The following PCDHA8 variants were observed in gnomAD, a reference collection of about 807,000 sequenced individuals.
The protein encoded by PCDHA8 is protocadherin alpha 8.
A neutral mutation model predicts 61.8 loss-of-function variants in PCDHA8; 53 were observed. The ratio of observed to expected loss-of-function variants is 0.86; its 90% confidence interval spans 0.69 to 1.08. The LOEUF is 1.08. Among genes scored for constraint, PCDHA8 ranks in the 50% least tolerant of loss-of-function variants. PCDHA8 has a pLI of 0.00. For missense variants in PCDHA8, 1,293 were observed against 1,245.0 expected (o/e 1.04, Z -0.58); for synonymous variants, 618 against 556.6 (o/e 1.11, Z -1.55).
At chr5:140,971,844 C>T (rs1209652703) in intron 1 of PCDHA8, among the ~76,000 whole-genome samples, 2 of 151,920 alleles carry the variant, frequency 1.3e-5, no homozygotes, top group African/African-American at 2.4e-5. Flanking sequence ...GCAAGTCATG[C>T]GTTAAATATT....
rs1245274554 is a variant in PCDHA8, at chr5:140,842,584, T to C, written c.1263T>C (p.Tyr421=). ...SALDRERVSA[Y]ELVVTARDGG... ...TGGACCGCGAGAGAGTGTCGGCCTA[T>C]GAGTTGGTGGTAACCGCGCGGGACG... Residue 421 remains tyrosine, a synonymous_variant, in exon 1 of 4, where the codon TAT becomes TAC. Transcript: ENST00000531613. 2 of 1,519,626 alleles carry C rather than the reference T, an allele frequency of 1.3e-6. No individual in the cohort carries two copies. 94.1% of individuals were successfully genotyped at this position (1,519,626 alleles called of 1,614,324 possible).
chr5:140,999,265 A>G (rs1554256725), intron 3 of PCDHA8, among the ~76,000 whole-genome samples: 1 of 152,226 alleles, frequency 6.6e-6, no homozygotes, highest in African/African-American at 2.4e-5. Flanking sequence ...GTAAAGGAAT[A>G]CTGCATAGTA....
At chr5:140,942,876 T>C (rs2093384814) in intron 1 of PCDHA8, among the ~76,000 whole-genome samples, 1 of 152,052 alleles carries the variant, frequency 6.6e-6, no homozygotes, top group Non-Finnish European at 1.5e-5. Context: ...GCATGACAAC[T>C]TTTTTCCTAA....
intron 1 of PCDHA8, among the ~76,000 whole-genome samples, chr5:140,885,454 C>T (rs2060601415): frequency 6.6e-6 from 1 of 152,054 alleles, no homozygotes; most frequent in Admixed American, 6.5e-5. Flanking sequence ...TATTATTTAC[C>T]TAATGATGGG....
rs2096251750 is a variant in PCDHA8 at position 140,968,509 on chromosome 5, C to T, written c.2395-10440C>T. 3 of 1,614,162 alleles carry T rather than the reference C, an allele frequency of 1.9e-6. No individual in the cohort carries two copies. In the South Asian group the frequency reaches 3.3e-5, roughly 18 times the overall value. On this transcript the variant is annotated intron_variant, in intron 1 of 3. Coordinates refer to ENST00000531613, the MANE Select transcript of PCDHA8 (RefSeq NM_018911.3). Reference sequence around the variant, plus strand: ...ATGACCATGCCCCTCACATTCTGTACCCTACCTCAACCAACTCGTCAGCAG... The same window carrying T: ...ATGACCATGCCCCTCACATTCTGTATCCTACCTCAACCAACTCGTCAGCAG...
At chr5:140,869,746 A>G in intron 1 of PCDHA8, 1 of 1,613,340 alleles carries the variant, frequency 6.2e-7, no homozygotes, top group Non-Finnish European at 8.5e-7. Flanking sequence ...GCTAACAGCT[A>G]CAGACGGGGG....
rs782631166 is a variant in PCDHA8, at chr5:140,857,398, C to T, written c.2394+13683C>T. 1.3e-5 allele frequency: 21 copies of T among 1,598,542 alleles called. 2 individuals are homozygous for T. Among genetic ancestry groups the T allele is most frequent in the African/African-American group, 2.7e-5 (2 of 74,494 alleles). ...TGGAGGTGGCCGACGTGAACGACAA[C>T]GCGCCTGCGTTCGCGCAGTCCGAGT... On this transcript the variant is annotated intron_variant, in intron 1 of 3. Coordinates refer to ENST00000531613, the MANE Select transcript of PCDHA8 (RefSeq NM_018911.3).
In PCDHA8 at chr5:140,856,320, G is replaced by T. The variant is rs2043925109; in HGVS notation, c.2394+12605G>T. 1.8e-5 allele frequency: 28 copies of T among 1,598,544 alleles called. 3 individuals carry two copies. Among genetic ancestry groups the T allele is most frequent in the Non-Finnish European group, 2.4e-5 (28 of 1,168,074 alleles). ...TTGTTTGTGAATTCTCGGATTGACC[G>T]CGAGGAGCTGTGCGGGCGGAGCGTG... On this transcript the variant is annotated intron_variant, in intron 1 of 3. Coordinates refer to ENST00000531613, the MANE Select transcript of PCDHA8 (RefSeq NM_018911.3).
At chr5:140,878,461 T>G (rs1274651575) in intron 1 of PCDHA8, among the ~76,000 whole-genome samples, 1 of 152,230 alleles carries the variant, frequency 6.6e-6, no homozygotes, top group Non-Finnish European at 1.5e-5. Context: ...TGAAATATAA[T>G]AAAATCATTT....
chr5:140,892,658 A>G (rs1202553509), intron 1 of PCDHA8, among the ~76,000 whole-genome samples: 4 of 152,202 alleles, frequency 2.6e-5, no homozygotes, highest in African/African-American at 9.7e-5. Context: ...ATACAGAGTG[A>G]CATTTTGATA....
chr5:140,927,666 G>C, intron 1 of PCDHA8: 1 of 1,614,180 alleles, frequency 6.2e-7, no homozygotes, highest in Non-Finnish European at 8.5e-7. Context: ...TTCAAGCCTT[G>C]GATCCAGATG....
chr5:140,987,453 A>C (rs2097255093), intron 3 of PCDHA8, among the ~76,000 whole-genome samples: 1 of 152,106 alleles, frequency 6.6e-6, no homozygotes, highest in South Asian at 2.1e-4. Context: ...CCGAGAGATA[A>C]TTGTTAAGAG....
At chr5:140,904,725 C>A (rs1554191671) in intron 1 of PCDHA8, among the ~76,000 whole-genome samples, 1 of 152,050 alleles carries the variant, frequency 6.6e-6, no homozygotes, top group Non-Finnish European at 1.5e-5. Context: ...TGGCCAACAT[C>A]TATTATTTTT....
intron 1 of PCDHA8, chr5:140,855,912 G>C: frequency 1.7e-6 from 2 of 1,172,642 alleles, no homozygotes; most frequent in Non-Finnish European, 2.4e-6. Flanking sequence ...GTTTCTCAAG[G>C]ACTAGGAAGT....
In PCDHA8 at chr5:140,843,229, C is replaced by T. The variant is rs2150355539; in HGVS notation, c.1908C>T (p.Val636=). ...CGGGCGAGATCAGCACCACTCGTGT[C>T]CTGGACGAAGCGGACTCTCCGCGCC... is the stretch of plus-strand genomic sequence containing the variant. The part of the protein sequence containing the change: ...LYTGEISTTR[V]LDEADSPRHR... The change falls in exon 1 of 4, where the codon GTC becomes GTT. Residue 636 remains valine, a synonymous_variant. Transcript: ENST00000531613. The T allele has an allele frequency of 3.8e-6, 6 of 1,596,144 alleles. 1 individual carries two copies. Among genetic ancestry groups the T allele is most frequent in the East Asian group, 4.5e-5 (2 of 44,818 alleles).
intron 3 of PCDHA8, among the ~76,000 whole-genome samples, chr5:141,005,531 G>A (rs1441846175): frequency 1.3e-5 from 2 of 151,072 alleles, no homozygotes; most frequent in African/African-American, 4.9e-5. Context: ...GTGAAACCCC[G>A]TCTCTACTAA....
At chr5:140,958,746 G>C (rs946339571) in intron 1 of PCDHA8, among the ~76,000 whole-genome samples, 1 of 152,066 alleles carries the variant, frequency 6.6e-6, no homozygotes, top group African/African-American at 2.4e-5. Flanking sequence ...AGAGAGAAAG[G>C]AGATTTTTAC....
At chr5:141,009,459 A>T in intron 3 of PCDHA8, 168 bp from the exon 4 acceptor site, 3 of 950,878 alleles carry the variant, frequency 3.2e-6, no homozygotes, top group Non-Finnish European at 3.8e-6. Context: ...AATTAAACAA[A>T]TAAATAAATA....
At chr5:140,979,350 A>T (rs113796939) in intron 2 of PCDHA8, among the ~76,000 whole-genome samples, 1,685 of 150,698 alleles carry the variant, frequency 0.011, 22 homozygotes, top group East Asian at 0.044. Flanking sequence ...TGTAATTAAT[A>T]CTCATGCTTT....
Sources: gnomAD v4.1 joint callset for allele counts (sites outside exome capture counted in the v4.1 genomes callset) on GRCh38, gnomAD v4.1.1 for gene constraint, MANE v1.5 for transcripts, NCBI Gene and HGNC (gene_info 2026-07-23, HGNC 2026-07-21) for gene names.